KIF26A: variants seen among roughly 807,000 people sequenced by gnomAD.
KIF26A encodes the protein kinesin-like protein KIF26A.
KIF26A carries 74 observed loss-of-function variants against 126.0 expected under a neutral mutation model. The observed-to-expected ratio is 0.59, with a 90% CI of 0.49 to 0.71. The LOEUF (loss-of-function observed/expected upper bound fraction) is 0.71, where lower values mean the gene tolerates loss of function less well. Among genes scored for constraint, KIF26A ranks in the 30% least tolerant of loss-of-function variants. The pLI is 0.00. For synonymous variants in KIF26A, 1,445 were observed against 1,232.7 expected, an observed-to-expected ratio of 1.17 and a Z score of -3.61; for missense variants, 2,984 against 2,763.3, an observed-to-expected ratio of 1.08 and a Z score of -1.79.
chr14:104,178,840 C>T (rs1471169208), intron 13 of KIF26A, 85 bp downstream of exon 13: 7 of 786,278 alleles, frequency 8.9e-6, no homozygotes, highest in South Asian at 5.6e-5. Flanking sequence ...ATGGGCTCGC[C>T]AGGCCTCTGG....
chr14:104,173,720 A>C lies in KIF26A; in HGVS notation c.1882A>C (p.Ser628Arg). Residue 628 changes from serine to arginine, a missense_variant, in exon 10 of 15, where the codon AGC becomes CGC. Transcript: ENST00000423312. ...CGRGGMSGGR[S>R]RLHLIDLGSC... ...TGTGGTTCCAGTGTCCGGAGGCCGC[A>C]GCCGCCTGCACCTCATCGACCTGGG... 1 of 1,611,060 alleles carries C rather than the reference A, an allele frequency of 6.2e-7. No homozygotes were observed. The highest frequency in any genetic ancestry group is 8.5e-7 in the Non-Finnish European group (1 of 1,179,464).
intron 6 of KIF26A, 82 bp downstream of exon 6, chr14:104,172,017 C>G (rs1287032642): frequency 3.8e-6 from 5 of 1,316,476 alleles, no homozygotes; most frequent in Admixed American, 2.1e-5. Flanking sequence ...TCTGCGCCCG[C>G]TTCTCCGTGC....
chr14:104,153,865 G>A (rs79590157), intron 3 of KIF26A, among the ~76,000 whole-genome samples: 1 of 151,788 alleles, frequency 6.6e-6, no homozygotes, highest in Non-Finnish European at 1.5e-5. Context: ...GCGGGTGGGG[G>A]TGGAGAAGAT....
rs903374403 is a variant in KIF26A at position 104,166,115 on chromosome 14, G to T, written c.924-744G>T. Among the ~76,000 whole-genome samples, 13 of 152,022 alleles carry T rather than the reference G, an allele frequency of 8.6e-5. No homozygotes were observed. The South Asian group carries it at 1.9e-3, about 22-fold the overall frequency. ...TGGGCTTTGGGGTGGGGAGGCGCTCGCCCTGGCTGAGGGGCAGGGTGGCAG... is the reference window on the plus strand; with the variant it reads ...TGGGCTTTGGGGTGGGGAGGCGCTCTCCCTGGCTGAGGGGCAGGGTGGCAG... On this transcript the variant is annotated intron_variant, in intron 4 of 14. Coordinates refer to ENST00000423312, the MANE Select transcript of KIF26A (RefSeq NM_015656.2).
At position 104,178,701 on chromosome 14, in the gene KIF26A, TGAC is replaced by T; in HGVS notation, c.5264_5266del (p.Asp1755del). The T allele has an allele frequency of 6.4e-7, 1 of 1,563,192 alleles. No individual in the cohort carries two copies. Among genetic ancestry groups the T allele is most frequent in the Non-Finnish European group, 8.7e-7 (1 of 1,154,158 alleles). On this transcript the variant is annotated inframe_deletion, in exon 13 of 15. Coordinates refer to ENST00000423312, the MANE Select transcript of KIF26A (RefSeq NM_015656.2). ...TCGAGATCAAGGTGTACGAGATCGA[TGAC>T]GTGGAGCGCCTTCAGCGGCCCCGCC...
At chr14:104,178,905 G>A (rs1427078949) in intron 13 of KIF26A, 150 bp downstream of exon 13, 4 of 598,344 alleles carry the variant, frequency 6.7e-6, no homozygotes, top group East Asian at 2.9e-5. Flanking sequence ...CTCCCAGGAC[G>A]CAAAGGTAGG....
rs73360231 is a variant in KIF26A, at chr14:104,166,716, C to T, written c.924-143C>T. 895 of 765,992 alleles carry T rather than the reference C, an allele frequency of 1.2e-3. 5 individuals carry two copies. The African/African-American group carries it at 0.015, about 12-fold the overall frequency. The allele number at this position is 765,992 out of a possible 1,614,324, so 47.4% of individuals were successfully genotyped here. On this transcript the variant is annotated intron_variant, in intron 4 of 14. Transcript: ENST00000423312. ...GTCCACTGTAGAAATGAAGTGCAGG[C>T]CTCCCAGCCACATTTTGGACTGGGT... is the stretch of plus-strand genomic sequence containing the variant.
In KIF26A at chr14:104,177,263, A is replaced by G; in HGVS notation, c.4475A>G (p.Lys1492Arg). 1.3e-6 allele frequency: 2 copies of G among 1,595,214 alleles called. 1 individual carries two copies. Among genetic ancestry groups the G allele is most frequent in the South Asian group, 2.2e-5 (2 of 89,108 alleles). Residue 1492 changes from lysine (K) to arginine (R), a missense_variant, in exon 12 of 15, where the codon AAG (lysine) becomes AGG (arginine). Transcript: ENST00000423312. ...GCAGCCAAGGCTGTGGGGGCCCCCA[A>G]GCCCCCTGTTGGTGGAGGCAAGGGC... ...SGAAKAVGAP[K>R]PPVGGGKGRG...
At chr14:104,155,946 G>A (rs989270902) in intron 3 of KIF26A, among the ~76,000 whole-genome samples, 2 of 152,236 alleles carry the variant, frequency 1.3e-5, no homozygotes, top group Admixed American at 1.3e-4. Context: ...CTGTCCAGTG[G>A]GGGAGGCAGG....
Position 104,174,217 on chromosome 14 carries a change from C to T in KIF26A, c.2100C>T (p.Ala700=). 1.3e-6 allele frequency: 2 copies of T among 1,584,126 alleles called. No individual in the cohort carries two copies. The highest frequency in any genetic ancestry group is 2.3e-5 in the East Asian group (1 of 43,106). ...CTGGCTGCCGCACCACCATGATCGC[C>T]CACGTGTCGGATGCGCCAGCCCAGC... The part of the protein sequence containing the change: ...ATAGCRTTMI[A]HVSDAPAQHA... The change falls in exon 11 of 15, where the codon GCC becomes GCT. Residue 700 remains alanine, a synonymous_variant. Transcript: ENST00000423312.
chr14:104,139,942 C>G (rs557941526), intron 2 of KIF26A, among the ~76,000 whole-genome samples: 1 of 152,314 alleles, frequency 6.6e-6, no homozygotes, highest in East Asian at 1.9e-4. Context: ...GGATTTCCAG[C>G]CAGTGGGCCT....
Position 104,178,265 on chromosome 14 carries a change from G to T in KIF26A, c.5111-285G>T, listed in dbSNP as rs985811423. On this transcript the variant is annotated intron_variant, in intron 12 of 14. Coordinates refer to ENST00000423312, the MANE Select transcript of KIF26A (RefSeq NM_015656.2). ...GTGCCTCCCTGGCGAGTGTCGAGCT[G>T]CCTGGAAGGCCCCCGCCAGGGCTGC... Among the ~76,000 whole-genome samples, 4 of 152,206 alleles carry T rather than the reference G, an allele frequency of 2.6e-5. No homozygotes were observed. The East Asian group carries it at 7.7e-4, about 29-fold the overall frequency.
At chr14:104,166,248 C>T (rs1229145287) in intron 4 of KIF26A, among the ~76,000 whole-genome samples, 1 of 152,154 alleles carries the variant, frequency 6.6e-6, no homozygotes, top group Non-Finnish European at 1.5e-5. Flanking sequence ...AGGGGCAAGG[C>T]AGCCTCACCT....
rs997811022 is a variant in KIF26A at position 104,148,506 on chromosome 14, G to A, written c.289-3509G>A. Among the ~76,000 whole-genome samples, 2 of 152,146 alleles carry A rather than the reference G, an allele frequency of 1.3e-5. No individual in the cohort carries two copies. The highest frequency in any genetic ancestry group is 2.9e-5 in the Non-Finnish European group (2 of 68,022). On this transcript the variant is annotated intron_variant, in intron 2 of 14. Coordinates refer to ENST00000423312, the MANE Select transcript of KIF26A (RefSeq NM_015656.2). The surrounding 1 kb of genome is among the most constrained non-coding windows in gnomAD (Gnocchi z 4.3). The stretch of plus-strand genomic sequence containing the variant: ...TCCTGAAATTGGGGGGCAGTAACCC[G>A]TTGGGGGCTTGGGCCAGAGGACCCC...
chr14:104,177,074 C>T lies in KIF26A; in HGVS notation c.4286C>T (p.Ala1429Val), dbSNP rs1263453331. 1.9e-6 allele frequency: 3 copies of T among 1,594,210 alleles called. No homozygotes were observed. Among genetic ancestry groups the T allele is most frequent in the Non-Finnish European group, 2.5e-6 (3 of 1,178,136 alleles). Residue 1429 changes from alanine (A) to valine (V), a missense_variant, in exon 12 of 15, where the codon GCA becomes GTA. Ala to Val is a moderately conservative substitution (Grantham distance 64, BLOSUM62 0). Coordinates refer to ENST00000423312, the MANE Select transcript of KIF26A (RefSeq NM_015656.2). ...GCCCGGGCCAGCAAGGTAGAAGCAG[C>T]ACACCGTCTTGCCGGACACGCGTCT... ...LKARASKVEA[A>V]HRLAGHASLE...
intron 4 of KIF26A, among the ~76,000 whole-genome samples, chr14:104,165,362 G>A (rs2037878793): frequency 6.9e-6 from 1 of 143,998 alleles, no homozygotes; most frequent in South Asian, 2.2e-4. Flanking sequence ...GTGCGTCTGT[G>A]TGTCCCTGTG....
At chr14:104,174,456 T>G (rs1283838266) in intron 11 of KIF26A, 146 bp downstream of exon 11, 1 of 890,216 alleles carries the variant, frequency 1.1e-6, no homozygotes, top group Non-Finnish European at 1.6e-6. Context: ...GTCATGAGGC[T>G]ATGCCCATGT....
At chr14:104,146,730 T>G (rs920735492) in intron 2 of KIF26A, among the ~76,000 whole-genome samples, 2 of 152,128 alleles carry the variant, frequency 1.3e-5, no homozygotes, top group South Asian at 4.1e-4. Flanking sequence ...CGGCAGTGTT[T>G]GATCTCAGAG....
At chr14:104,142,763 G>C (rs1191356069) in intron 2 of KIF26A, among the ~76,000 whole-genome samples, 2 of 152,188 alleles carry the variant, frequency 1.3e-5, no homozygotes, top group African/African-American at 4.8e-5. Context: ...CCCAGTCCTG[G>C]TTTCCCCCAC....
Sources: allele counts gnomAD v4.1 joint callset (sites outside exome capture counted in the v4.1 genomes callset), GRCh38; gene constraint gnomAD v4.1.1; non-coding constraint Gnocchi (gnomAD v3.1); transcripts MANE v1.5; gene names NCBI Gene and HGNC (gene_info 2026-07-23, HGNC 2026-07-21).